The following RBFOX1 variants were observed in gnomAD, a reference collection of about 807,000 sequenced individuals.
RBFOX1 encodes the protein RNA binding protein fox-1 homolog 1.
In RBFOX1, 8 loss-of-function variants were observed where a neutral mutation model predicts 57.7. The observed-to-expected ratio is 0.14, with a 90% CI of 0.08 to 0.25. RBFOX1 has a LOEUF of 0.25. Among genes scored for constraint, RBFOX1 ranks in the 10% least tolerant of loss-of-function variants. The pLI, the probability that RBFOX1 is intolerant of heterozygous loss-of-function variation, is 1.00. For missense variants in RBFOX1, 611 were observed against 548.5 expected (o/e 1.11, Z -1.14); for synonymous variants, 326 against 222.4 (o/e 1.47, Z -4.15).
Position 5,921,988 on chromosome 16 carries a change from C to CAA in RBFOX1, c.351+54662_351+54663dup, listed in dbSNP as rs59484014. On this transcript the variant is annotated intron_variant, in intron 4 of 19. Transcript: ENST00000641259. ...GCAACACAGCTGGACGCCATCTTCA[C>CAA]AAAAAAAAAACAAAAAAGAAAAATT... Among the ~76,000 whole-genome samples, 1,109 of 144,500 alleles carry CAA rather than the reference C, an allele frequency of 7.7e-3. 13 individuals carry two copies. Among genetic ancestry groups the CAA allele is most frequent in the African/African-American group, 0.02 (800 of 39,822 alleles). The allele number at this position is 144,500 out of a possible 152,430, so 94.8% of individuals were successfully genotyped here.
chr16:7,702,563 A>G (rs2081104662), intron 14 of RBFOX1, among the ~76,000 whole-genome samples: 1 of 152,208 alleles, frequency 6.6e-6, no homozygotes, highest in Admixed American at 6.5e-5. Flanking sequence ...TTCTAGTTGG[A>G]TGAGAGAAGG....
chr16:5,376,707 G>A (rs1282794092), intron 1 of RBFOX1, among the ~76,000 whole-genome samples: 5 of 151,862 alleles, frequency 3.3e-5, no homozygotes, highest in African/African-American at 7.3e-5. Context: ...GGAACTCATC[G>A]TCTTGGTCTA....
intron 3 of RBFOX1, among the ~76,000 whole-genome samples, chr16:5,822,142 A>G (rs1017249092): frequency 3.9e-5 from 6 of 152,214 alleles, no homozygotes; most frequent in African/African-American, 1.4e-4. Flanking sequence ...AATGATCTGG[A>G]TGAAATTAGA....
At chr16:6,762,270 C>G (rs555585058) in intron 3 of RBFOX1, among the ~76,000 whole-genome samples, 1 of 152,112 alleles carries the variant, frequency 6.6e-6, no homozygotes, top group Non-Finnish European at 1.5e-5. Context: ...TATGTAGTGT[C>G]TAGAGTGCAG....
chr16:7,527,313 A>T (rs1442410093), intron 5 of RBFOX1, among the ~76,000 whole-genome samples: 1 of 152,162 alleles, frequency 6.6e-6, no homozygotes, highest in African/African-American at 2.4e-5. Context: ...TTTATTACCC[A>T]ATACTGTGCC....
At chr16:7,570,597 G>C (rs1053287739) in intron 5 of RBFOX1, among the ~76,000 whole-genome samples, 14 of 152,176 alleles carry the variant, frequency 9.2e-5, no homozygotes, top group Admixed American at 5.2e-4. Context: ...GATGAAACTA[G>C]AGTTTTATTG....
intron 2 of RBFOX1, among the ~76,000 whole-genome samples, chr16:5,562,685 C>A (rs2045931348): frequency 6.6e-6 from 1 of 152,122 alleles, no homozygotes; most frequent in Admixed American, 6.5e-5. Flanking sequence ...AGGCATCTGG[C>A]CACATTCCCC....
At chr16:5,436,450 C>T (rs961627201) in intron 1 of RBFOX1, among the ~76,000 whole-genome samples, 1 of 152,150 alleles carries the variant, frequency 6.6e-6, no homozygotes, top group Non-Finnish European at 1.5e-5. Flanking sequence ...TGCATTCAGG[C>T]CACATTACTA....
chr16:6,125,430 C>T (rs1032256828), intron 1 of RBFOX1, among the ~76,000 whole-genome samples: 2 of 152,166 alleles, frequency 1.3e-5, no homozygotes, highest in African/African-American at 4.8e-5. Context: ...TGTTTGTCTG[C>T]TTTGGGTACA....
At chr16:6,236,448 T>C (rs996470826) in intron 1 of RBFOX1, among the ~76,000 whole-genome samples, 3 of 151,768 alleles carry the variant, frequency 2.0e-5, no homozygotes, top group African/African-American at 7.3e-5. Context: ...TATTTTTTTT[T>C]TTTTGAGGCA....
intron 4 of RBFOX1, among the ~76,000 whole-genome samples, chr16:7,354,825 A>G (rs1053593790): frequency 4.6e-5 from 7 of 152,188 alleles, no homozygotes; most frequent in African/African-American, 1.7e-4. Context: ...TGTTGGTTGT[A>G]CTAGACAGTA....
At chr16:6,289,195 G>T (rs1299062930) in intron 1 of RBFOX1, among the ~76,000 whole-genome samples, 1 of 152,130 alleles carries the variant, frequency 6.6e-6, no homozygotes, top group Admixed American at 6.5e-5. Context: ...TTGATCAGTA[G>T]AATTTTTCTT....
intron 4 of RBFOX1, among the ~76,000 whole-genome samples, chr16:5,877,865 T>C (rs773642774): frequency 6.6e-6 from 1 of 152,218 alleles, no homozygotes; most frequent in African/African-American, 2.4e-5. Flanking sequence ...CCCATGGTGA[T>C]GATAAACTGG....
intron 3 of RBFOX1, among the ~76,000 whole-genome samples, chr16:5,763,432 T>G (rs558415321): frequency 7.2e-5 from 11 of 152,186 alleles, no homozygotes; most frequent in Non-Finnish European, 1.5e-4. Context: ...CCTGCGCCCA[T>G]GTCTTGGAGG....
intron 1 of RBFOX1, among the ~76,000 whole-genome samples, chr16:6,199,802 C>G (rs1395801752): frequency 6.6e-6 from 1 of 152,142 alleles, no homozygotes; most frequent in African/African-American, 2.4e-5. Flanking sequence ...GTATGGGATG[C>G]TTGTTAGCAC....
rs538393754 is a variant in RBFOX1, at chr16:7,148,381, A to T, written c.27+96283A>T. Among the ~76,000 whole-genome samples, 38 of 152,330 alleles carry T rather than the reference A, an allele frequency of 2.5e-4. 1 individual carries two copies. In the South Asian group the frequency reaches 7.9e-3, roughly 32 times the overall value. ...GGCCATTATCATATTAATTTTTTGC[A>T]TTAACCAACACTCCCCTCTTTTGAA... On this transcript the variant is annotated intron_variant, in intron 4 of 15. Transcript: ENST00000550418.
intron 4 of RBFOX1, among the ~76,000 whole-genome samples, chr16:7,076,328 G>A (rs915887038): frequency 2.0e-5 from 3 of 151,866 alleles, no homozygotes; most frequent in East Asian, 1.9e-4. Flanking sequence ...CACCACTCCC[G>A]GCCATTTTTT....
chr16:6,523,525 C>G (rs2096537418), intron 2 of RBFOX1, among the ~76,000 whole-genome samples: 3 of 152,254 alleles, frequency 2.0e-5, no homozygotes, highest in African/African-American at 7.2e-5. Context: ...TCACCCTATG[C>G]TAACTGGATG....
chr16:6,128,326 A>G (rs894124479), intron 1 of RBFOX1, among the ~76,000 whole-genome samples: 2 of 152,166 alleles, frequency 1.3e-5, no homozygotes, highest in Non-Finnish European at 2.9e-5. Context: ...ATTTTACCCT[A>G]TTACTCTAAG....
Sources: gnomAD v4.1 joint callset for allele counts (sites outside exome capture counted in the v4.1 genomes callset) on GRCh38, gnomAD v4.1.1 for gene constraint, MANE v1.5 for transcripts, NCBI Gene and HGNC (gene_info 2026-07-23, HGNC 2026-07-21) for gene names.